The following FNDC3A variants were observed in gnomAD, a reference collection of about 807,000 sequenced individuals.
FNDC3A encodes fibronectin type-III domain-containing protein 3A.
A neutral mutation model predicts 148.9 loss-of-function variants in FNDC3A; 32 were observed. The ratio of observed to expected loss-of-function variants is 0.21; its 90% confidence interval spans 0.16 to 0.29. The LOEUF is 0.29. Among genes scored for constraint, FNDC3A ranks in the 10% least tolerant of loss-of-function variants. FNDC3A has a pLI of 1.00. For synonymous variants in FNDC3A, 472 were observed against 473.6 expected (o/e 1.00, Z 0.04); for missense variants, 1,191 against 1,452.8 (o/e 0.82, Z 2.93).
chr13:49,053,769 A>C (rs1036319297), intron 2 of FNDC3A, among the ~76,000 whole-genome samples: 1 of 152,198 alleles, frequency 6.6e-6, no homozygotes, highest in African/African-American at 2.4e-5. Context: ...AATATTCCCT[A>C]TTCAGAGCCT....
At chr13:48,997,800 T>C (rs923736138) in intron 1 of FNDC3A, among the ~76,000 whole-genome samples, 1 of 151,880 alleles carries the variant, frequency 6.6e-6, no homozygotes, top group Non-Finnish European at 1.5e-5. Flanking sequence ...TAATTGGTGC[T>C]AAGAAATGGG....
At chr13:49,001,598 T>G (rs1451634383) in intron 1 of FNDC3A, among the ~76,000 whole-genome samples, 1 of 152,152 alleles carries the variant, frequency 6.6e-6, no homozygotes, top group East Asian at 1.9e-4. Context: ...AGAGAATGCA[T>G]CCCTGAGGGT....
intron 2 of FNDC3A, among the ~76,000 whole-genome samples, chr13:49,037,330 T>A (rs1275369918): frequency 6.6e-6 from 1 of 152,194 alleles, no homozygotes; most frequent in Admixed American, 6.5e-5. Context: ...TGAAGGCCTT[T>A]AACCATGGGT....
chr13:49,161,259 C>G (rs1884094839), intron 8 of FNDC3A, among the ~76,000 whole-genome samples: 1 of 152,110 alleles, frequency 6.6e-6, no homozygotes, highest in Non-Finnish European at 1.5e-5. Flanking sequence ...GAGTCTAAGT[C>G]TCTTTGTAGG....
At chr13:49,132,479 C>T (rs1182608482) in intron 5 of FNDC3A, among the ~76,000 whole-genome samples, 1 of 152,140 alleles carries the variant, frequency 6.6e-6, no homozygotes, top group Non-Finnish European at 1.5e-5. Context: ...TAAAGGCATC[C>T]CTGGCCTCTA....
chr13:49,020,640 G>A (rs1370017504), intron 2 of FNDC3A, among the ~76,000 whole-genome samples: 2 of 152,166 alleles, frequency 1.3e-5, no homozygotes, highest in Non-Finnish European at 2.9e-5. Flanking sequence ...CCAACACAAG[G>A]CACATGGCCA....
rs138866196 is a variant in FNDC3A at position 49,187,141 on chromosome 13, C to T, written c.1776C>T (p.Gly592=). The T allele has an allele frequency of 9.2e-5, 149 of 1,611,840 alleles. No individual in the cohort carries two copies. The highest frequency in any genetic ancestry group is 2.5e-4 in the East Asian group (11 of 44,816). The part of the protein sequence containing the change: ...KITWDPPKDN[G]GATINKYVVE... ...GGATAGATCCACCAAAAGACAATGG[C>T]GGAGCAACCATCAATAAATATGTAG... is the stretch of plus-strand genomic sequence containing the variant. The change falls in exon 16 of 26, where the codon GGC becomes GGT. Residue 592 remains glycine, a synonymous_variant. Transcript: ENST00000492622.
intron 3 of FNDC3A, among the ~76,000 whole-genome samples, chr13:49,083,665 C>T (rs901446076): frequency 2.6e-5 from 4 of 152,178 alleles, no homozygotes; most frequent in Non-Finnish European, 5.9e-5. Flanking sequence ...TCGTGATCCA[C>T]CCGCCTCGGC....
rs547010814 is a variant in FNDC3A, at chr13:49,110,043, CATT to C, written c.176-4611_176-4609del. Among the ~76,000 whole-genome samples the C allele has an allele frequency of 1.6e-3, 246 of 152,234 alleles. 1 individual carries two copies. The highest frequency in any genetic ancestry group is 5.7e-3 in the African/African-American group (236 of 41,544). On this transcript the variant is annotated intron_variant, in intron 3 of 25. Coordinates refer to ENST00000492622, the MANE Select transcript of FNDC3A (RefSeq NM_001079673.2). ...TGGTGTTATTGAACACAAAGAGAAT[CATT>C]GTACATCAAATATATATTTCTGAAA...
intron 8 of FNDC3A, among the ~76,000 whole-genome samples, chr13:49,164,581 A>C (rs1041770610): frequency 4.6e-5 from 7 of 151,896 alleles, no homozygotes; most frequent in Non-Finnish European, 2.9e-5. Context: ...TATGTCACAT[A>C]GGCTTTGTTC....
Position 49,191,263 on chromosome 13 carries a change from C to G in FNDC3A, c.2105C>G (p.Ser702Cys). Residue 702 changes from serine to cysteine, a missense_variant, in exon 19 of 26, where the codon TCT (serine) becomes TGT (cysteine). Ser to Cys is a moderately radical substitution (Grantham distance 112). Coordinates refer to ENST00000492622, the MANE Select transcript of FNDC3A (RefSeq NM_001079673.2). Reference protein sequence around the residue: ...SPISCYSVEMSPIEKDEPREV... With the variant: ...SPISCYSVEMCPIEKDEPREV... ...ATTTCCTGTTACAGTGTGGAAATGT[C>G]TCCTATAGAAAAAGATGAACCTAGA... 1 of 1,612,970 alleles carries G rather than the reference C, an allele frequency of 6.2e-7. No individual in the cohort carries two copies. The highest frequency in any genetic ancestry group is 2.2e-5 in the East Asian group (1 of 44,850).
At chr13:49,043,976 T>C (rs939489006) in intron 2 of FNDC3A, 4 of 152,224 alleles carry the variant, frequency 2.6e-5, no homozygotes, top group African/African-American at 9.6e-5. Context: ...TAACAAATTG[T>C]TTGTAGTTTA....
chr13:48,996,590 A>C (rs1348110488), intron 1 of FNDC3A, among the ~76,000 whole-genome samples: 1 of 152,226 alleles, frequency 6.6e-6, no homozygotes, highest in Non-Finnish European at 1.5e-5. Flanking sequence ...CAAATACTAC[A>C]ACATTTATAT....
At chr13:48,984,484 A>G (rs940074695) in intron 1 of FNDC3A, among the ~76,000 whole-genome samples, 1 of 152,214 alleles carries the variant, frequency 6.6e-6, no homozygotes, top group Non-Finnish European at 1.5e-5. Context: ...GATCAAAGGA[A>G]TAGAATAATA....
chr13:49,114,177 C>T (rs1441143314), intron 3 of FNDC3A, among the ~76,000 whole-genome samples: 1 of 152,148 alleles, frequency 6.6e-6, no homozygotes, highest in Non-Finnish European at 1.5e-5. Flanking sequence ...TGCTGCTTTT[C>T]ACTCTTGCTT....
intron 2 of FNDC3A, among the ~76,000 whole-genome samples, chr13:49,010,607 CAT>C (rs1952320264): frequency 6.6e-6 from 1 of 152,084 alleles, no homozygotes; most frequent in Admixed American, 6.5e-5. Flanking sequence ...TGAAGTATAA[CAT>C]ATATTTATAG....
intron 14 of FNDC3A, among the ~76,000 whole-genome samples, chr13:49,185,371 T>A (rs981286687): frequency 2.0e-5 from 3 of 152,186 alleles, no homozygotes; most frequent in Non-Finnish European, 2.9e-5. Context: ...AGATGTCAAC[T>A]GGGGTTGCAG....
chr13:48,995,625 A>G (rs1172802655), intron 1 of FNDC3A, among the ~76,000 whole-genome samples: 1 of 152,182 alleles, frequency 6.6e-6, no homozygotes, highest in African/African-American at 2.4e-5. Flanking sequence ...TGTCTTCATA[A>G]AATTTCACAT....
At chr13:49,023,755 T>C (rs1280795047) in intron 2 of FNDC3A, among the ~76,000 whole-genome samples, 2 of 151,896 alleles carry the variant, frequency 1.3e-5, no homozygotes, top group Non-Finnish European at 2.9e-5. Context: ...ACTGTATAAA[T>C]AGGGAAATGC....
Sources: allele counts gnomAD v4.1 joint callset (sites outside exome capture counted in the v4.1 genomes callset), GRCh38; gene constraint gnomAD v4.1.1; transcripts MANE v1.5; gene names NCBI Gene and HGNC (gene_info 2026-07-23, HGNC 2026-07-21).